PCDHA6: variants seen among roughly 807,000 people sequenced by gnomAD.
PCDHA6 encodes the protein protocadherin alpha 6.
PCDHA6 carries 55 observed loss-of-function variants against 60.3 expected under a neutral mutation model. The ratio of observed to expected loss-of-function variants is 0.91; its 90% confidence interval spans 0.73 to 1.14. PCDHA6 has a LOEUF of 1.14. Ranked by LOEUF, PCDHA6 falls within the 50% of genes most tolerant of loss-of-function variation. The pLI, the probability that PCDHA6 is intolerant of heterozygous loss-of-function variation, is 0.00. For missense variants in PCDHA6, 1,327 were observed against 1,256.5 expected, an observed-to-expected ratio of 1.06 and a Z score of -0.85; for synonymous variants, 652 against 557.9, an observed-to-expected ratio of 1.17 and a Z score of -2.38.
chr5:140,870,678 G>C (rs1304914174), intron 1 of PCDHA6: 1 of 1,612,626 alleles, frequency 6.2e-7, no homozygotes, highest in African/African-American at 1.3e-5. Context: ...TGGACCACGA[G>C]GAGCTGGAGC....
At chr5:140,912,613 T>C in intron 1 of PCDHA6, among the ~76,000 whole-genome samples, 1 of 152,290 alleles carries the variant, frequency 6.6e-6, no homozygotes, top group Middle Eastern at 3.4e-3. Flanking sequence ...TCTTGTCTGA[T>C]TACTCTGGAT....
chr5:140,883,151 A>G (rs1317370821), intron 1 of PCDHA6: 1 of 1,613,978 alleles, frequency 6.2e-7, no homozygotes, highest in Non-Finnish European at 8.5e-7. Flanking sequence ...TGCATTTACC[A>G]TAAATCCGAA....
At chr5:140,856,833 G>A (rs1554149194) in intron 1 of PCDHA6, 3 of 1,591,548 alleles carry the variant, frequency 1.9e-6, no homozygotes, top group African/African-American at 2.7e-5. Flanking sequence ...TTAGTAATAC[G>A]GCTCAACGCT....
intron 1 of PCDHA6, chr5:140,834,510 A>C: frequency 1.2e-6 from 2 of 1,614,108 alleles, no homozygotes; most frequent in Non-Finnish European, 1.7e-6. Flanking sequence ...TAAACATGGC[A>C]ACTTCGTGGG....
chr5:140,935,389 C>T (rs559765340), intron 1 of PCDHA6, among the ~76,000 whole-genome samples: 20 of 152,288 alleles, frequency 1.3e-4, no homozygotes, highest in African/African-American at 4.8e-4. Flanking sequence ...CATTTGTTAT[C>T]CCACGGGACT....
chr5:140,988,119 A>T (rs1238767411), intron 3 of PCDHA6, among the ~76,000 whole-genome samples: 1 of 152,174 alleles, frequency 6.6e-6, no homozygotes, highest in Non-Finnish European at 1.5e-5. Context: ...TTTAGAAAGC[A>T]TGCTGTTCCA....
intron 1 of PCDHA6, chr5:140,967,662 A>G: frequency 6.2e-7 from 1 of 1,614,192 alleles, no homozygotes; most frequent in Non-Finnish European, 8.5e-7. Context: ...TTGAGCAGCT[A>G]CACGTCGGAC....
At chr5:140,889,835 C>A (rs899287696) in intron 1 of PCDHA6, among the ~76,000 whole-genome samples, 10 of 152,080 alleles carry the variant, frequency 6.6e-5, no homozygotes, top group African/African-American at 2.2e-4. Context: ...TTACAGTATG[C>A]TTTGGTCTCT....
intron 1 of PCDHA6, chr5:140,882,248 CTG>C (rs1554173227): frequency 1.3e-6 from 2 of 1,594,792 alleles, no homozygotes; most frequent in Non-Finnish European, 1.7e-6. Context: ...GCAGATAGCT[CTG>C]AGGTTTTTGG....
Position 141,010,647 on chromosome 5 carries a change from GT to G in PCDHA6, c.*714del, listed in dbSNP as rs782752760. ...CATACCTGCAAGCCAACAGTTCAGT[GT>G]TTTAACAGAGAACCACCCTGGGAAA... On this transcript the variant is annotated 3_prime_UTR_variant, in exon 4 of 4. Coordinates refer to ENST00000529310, the MANE Select transcript of PCDHA6 (RefSeq NM_018909.4). 4.6e-5 allele frequency: 8 copies of G among 173,154 alleles called. No homozygotes were observed. Among genetic ancestry groups the G allele is most frequent in the Admixed American group, 1.2e-4 (2 of 16,978 alleles). 10.7% of individuals were successfully genotyped at this position (173,154 alleles called of 1,614,324 possible).
At chr5:140,876,814 G>T (rs571648883) in intron 1 of PCDHA6, 1 of 1,614,226 alleles carries the variant, frequency 6.2e-7, no homozygotes, top group Non-Finnish European at 8.5e-7. Context: ...GGTGGCCGAC[G>T]TGAACGACAA....
chr5:140,982,583 C>T lies in PCDHA6; in HGVS notation c.2542+20C>T, dbSNP rs1251252617. ...CACCAGGTAAAGAGCTGGGGTCTCT[C>T]CATTCTTTCTTGGTTTCTGGAAAGT... is the stretch of plus-strand genomic sequence containing the variant. On this transcript the variant is annotated intron_variant, in intron 3 of 3. Coordinates refer to ENST00000529310, the MANE Select transcript of PCDHA6 (RefSeq NM_018909.4). The T allele has an allele frequency of 1.2e-6, 2 of 1,612,084 alleles. No homozygotes were observed. The highest frequency in any genetic ancestry group is 4.5e-5 in the East Asian group (2 of 44,856).
intron 1 of PCDHA6, among the ~76,000 whole-genome samples, chr5:140,953,053 T>G (rs1475683860): frequency 2.0e-5 from 3 of 152,142 alleles, no homozygotes; most frequent in African/African-American, 7.2e-5. Flanking sequence ...TCCAATCACC[T>G]CTCACAGGCC....
At chr5:140,849,688 T>C in intron 1 of PCDHA6, 3 of 1,598,706 alleles carry the variant, frequency 1.9e-6, no homozygotes, top group Non-Finnish European at 2.6e-6. Flanking sequence ...TTCAAGCTGG[T>C]GTCCACCTAC....
chr5:140,966,924 C>T (rs1554228895), intron 1 of PCDHA6: 2 of 1,602,624 alleles, frequency 1.2e-6, no homozygotes, highest in Admixed American at 1.7e-5. Context: ...GAGGAGCAGG[C>T]ACCCGGCGCG....
chr5:140,968,629 T>C, intron 1 of PCDHA6: 1 of 1,614,174 alleles, frequency 6.2e-7, no homozygotes, highest in Non-Finnish European at 8.5e-7. Context: ...CTTGGCTTTT[T>C]TACCATCTAG....
At chr5:140,834,627 G>T (rs1773156912) in intron 1 of PCDHA6, 4 of 1,614,188 alleles carry the variant, frequency 2.5e-6, no homozygotes, top group Non-Finnish European at 3.4e-6. Context: ...TCTGCAGAAT[G>T]GCATTTTGTT....
rs57130401 is a variant in PCDHA6, at chr5:140,838,077, AGTGTGTGTGTGTGTGT to A, written c.2394+7631_2394+7646del. On this transcript the variant is annotated intron_variant, in intron 1 of 3. Transcript: ENST00000529310. Reference sequence around the variant, plus strand: ...TTTCCACTTTAAGTTATATATATATAGTGTGTGTGTGTGTGTGTGTGTGTGTGTGTGTGTGTGTGTG... The same window carrying A: ...TTTCCACTTTAAGTTATATATATATAGTGTGTGTGTGTGTGTGTGTGTGTG... 1.6e-3 allele frequency among the ~76,000 whole-genome samples: 130 copies of A among 80,702 alleles called. 1 individual carries two copies. The highest frequency in any genetic ancestry group is 1.6e-3 in the Non-Finnish European group (64 of 41,166). 52.9% of individuals were successfully genotyped at this position (80,702 alleles called of 152,430 possible). A position where few individuals can be genotyped will look rare whatever the true frequency, so the allele number is the denominator to read the frequency against.
At chr5:140,874,757 C>T (rs984706003) in intron 1 of PCDHA6, among the ~76,000 whole-genome samples, 6 of 152,190 alleles carry the variant, frequency 3.9e-5, no homozygotes, top group Non-Finnish European at 8.8e-5. Context: ...CAAACAATAA[C>T]GCTCTCCATA....
Sources: gnomAD v4.1 joint callset for allele counts (sites outside exome capture counted in the v4.1 genomes callset) on GRCh38, gnomAD v4.1.1 for gene constraint, MANE v1.5 for transcripts, NCBI Gene and HGNC (gene_info 2026-07-23, HGNC 2026-07-21) for gene names.